The following USP34 variants were observed in gnomAD, a reference collection of about 807,000 sequenced individuals.
USP34 encodes the protein ubiquitin specific peptidase 34.
USP34 carries 70 observed loss-of-function variants against 460.3 expected under a neutral mutation model. The observed-to-expected ratio is 0.15, with a 90% CI of 0.13 to 0.19. USP34 has a LOEUF of 0.19. Ranked by LOEUF, USP34 falls within the 10% of genes least tolerant of loss-of-function variation. The pLI is 1.00. For synonymous variants in USP34, 1,647 were observed against 1,405.3 expected, an observed-to-expected ratio of 1.17 and a Z score of -3.85; for missense variants, 3,985 against 4,236.2, an observed-to-expected ratio of 0.94 and a Z score of 1.65.
intron 1 of USP34, among the ~76,000 whole-genome samples, chr2:61,422,655 A>T (rs150009441): frequency 5.4e-4 from 82 of 152,364 alleles, no homozygotes; most frequent in Non-Finnish European, 9.1e-4. Context: ...AATGGAAAGA[A>T]ATCAAGTCAC....
At chr2:61,251,450 A>G (rs1261074600) in intron 48 of USP34, among the ~76,000 whole-genome samples, 2 of 152,236 alleles carry the variant, frequency 1.3e-5, no homozygotes, top group Non-Finnish European at 2.9e-5. Context: ...AAGATTACAC[A>G]TAACTATGCT....
chr2:61,336,174 T>C (rs369842820), intron 18 of USP34, among the ~76,000 whole-genome samples: 30 of 151,000 alleles, frequency 2.0e-4, no homozygotes, highest in South Asian at 6.3e-4. Flanking sequence ...AGACAAAGTC[T>C]CACTGTGTTG....
At position 61,211,825 on chromosome 2, in the gene USP34, T is replaced by G; in HGVS notation, c.8787A>C (p.Ile2929=). 1 of 1,607,588 alleles carries G rather than the reference T, an allele frequency of 6.2e-7. No individual in the cohort carries two copies. Among genetic ancestry groups the G allele is most frequent in the Non-Finnish European group, 8.5e-7 (1 of 1,178,010 alleles). Residue 2929 remains isoleucine, a synonymous_variant, in exon 69 of 80, where the codon ATA becomes ATC. Transcript: ENST00000398571. The stretch of plus-strand genomic sequence containing the variant: ...CATCTAAGCAACGTAAGTAACAACT[T>G]ATGGTTGTTTTCTTGAACTGTTTAA... ...EDIKQFKKTT[I]SCYLRCLDGR...
intron 2 of USP34, chr2:61,417,403 G>C (rs73932803): frequency 0.012 from 5,698 of 483,510 alleles, 274 homozygotes; most frequent in African/African-American, 0.1. Flanking sequence ...TACAGCCAAA[G>C]TTGTGACAGC....
intron 58 of USP34, among the ~76,000 whole-genome samples, chr2:61,231,072 T>C (rs1687881850): frequency 6.6e-6 from 1 of 151,972 alleles, no homozygotes; most frequent in Non-Finnish European, 1.5e-5. Flanking sequence ...AAAAAGAAAA[T>C]GTAATATGGA....
chr2:61,380,207 T>C lies in USP34; in HGVS notation c.976A>G (p.Thr326Ala). ...DLAFKYFMSP[T>A]LTMRLAGLSQ... Reference sequence around the variant, plus strand: ...AATCCAGCCAACCTCATAGTCAAAGTAGGTGACATAAAGTACTTAAATGCA... The same window carrying C: ...AATCCAGCCAACCTCATAGTCAAAGCAGGTGACATAAAGTACTTAAATGCA... The change falls in exon 7 of 80, where the codon ACT becomes GCT. Residue 326 changes from threonine to alanine, a missense_variant. Physicochemically the swap from Thr to Ala is moderately conservative, Grantham distance 58. Around this residue, in one of 14 missense-constraint regions of USP34, gnomAD observed 70 missense variants for 109.5 expected, o/e 0.64. Coordinates refer to ENST00000398571, the MANE Select transcript of USP34 (RefSeq NM_014709.4). 6.2e-7 allele frequency: 1 copy of C among 1,614,008 alleles called. No homozygotes were observed.
intron 8 of USP34, among the ~76,000 whole-genome samples, chr2:61,371,509 C>G (rs1165734280): frequency 6.7e-6 from 1 of 149,410 alleles, no homozygotes. Flanking sequence ...TACTTTTGTA[C>G]AGCCATACAA....
chr2:61,306,823 T>A (rs1424132272), intron 27 of USP34, among the ~76,000 whole-genome samples: 2 of 152,134 alleles, frequency 1.3e-5, no homozygotes, highest in Non-Finnish European at 2.9e-5. Context: ...CAACAGCTGC[T>A]GGAGAGGATG....
intron 27 of USP34, among the ~76,000 whole-genome samples, chr2:61,309,219 A>G (rs888454921): frequency 6.6e-6 from 1 of 152,206 alleles, no homozygotes; most frequent in Non-Finnish European, 1.5e-5. Flanking sequence ...GTATGAAAAC[A>G]TGAGATACAT....
At chr2:61,265,771 A>G (rs1191577037) in intron 42 of USP34, 16 of 688,252 alleles carry the variant, frequency 2.3e-5, no homozygotes, top group Non-Finnish European at 3.1e-5. Flanking sequence ...CTTGGCCCCA[A>G]ATTACTTTTA....
intron 18 of USP34, among the ~76,000 whole-genome samples, chr2:61,338,937 T>G (rs1276951798): frequency 1.3e-5 from 2 of 152,192 alleles, no homozygotes; most frequent in African/African-American, 4.8e-5. Flanking sequence ...TACATCTAAA[T>G]GGAAGAACAA....
chr2:61,246,298 G>T, intron 50 of USP34, 26 bp downstream of exon 50: 1 of 1,485,374 alleles, frequency 6.7e-7, no homozygotes, highest in East Asian at 2.4e-5. Context: ...AATTGTTAAA[G>T]AAGTTTTGAA....
chr2:61,381,265 AACACACAC>A (rs528571272), intron 6 of USP34, among the ~76,000 whole-genome samples: 1 of 61,094 alleles, frequency 1.6e-5, no homozygotes, highest in Admixed American at 1.5e-4. Context: ...AAAAAAATAA[AACACACAC>A]ACACACACAC....
chr2:61,291,471 A>G (rs1463392453), intron 33 of USP34, among the ~76,000 whole-genome samples: 1 of 152,180 alleles, frequency 6.6e-6, no homozygotes, highest in Non-Finnish European at 1.5e-5. Context: ...CATTATTGAT[A>G]ATAGCCCCAA....
At chr2:61,457,526 A>G (rs888659352) in intron 1 of USP34, among the ~76,000 whole-genome samples, 1 of 152,226 alleles carries the variant, frequency 6.6e-6, no homozygotes, top group African/African-American at 2.4e-5. Context: ...AAAAAGAATA[A>G]TAATTCTCAA....
At chr2:61,370,797 A>T (rs1453467698) in intron 8 of USP34, among the ~76,000 whole-genome samples, 1 of 152,220 alleles carries the variant, frequency 6.6e-6, no homozygotes, top group Non-Finnish European at 1.5e-5. Flanking sequence ...AGCAACGAAT[A>T]ACTGAAAAGG....
At chr2:61,369,001 TGATA>T (rs1017152523) in intron 10 of USP34, among the ~76,000 whole-genome samples, 1 of 151,902 alleles carries the variant, frequency 6.6e-6, no homozygotes, top group Non-Finnish European at 1.5e-5. Flanking sequence ...GAAAAACAAT[TGATA>T]AATAGCAAAA....
chr2:61,226,444 TACAC>T (rs148492894), intron 62 of USP34, among the ~76,000 whole-genome samples: 44 of 151,810 alleles, frequency 2.9e-4, no homozygotes, highest in Admixed American at 2.5e-3. Context: ...TACATACACA[TACAC>T]ACACACACAT....
At chr2:61,417,021 C>T in intron 2 of USP34, 5 of 1,325,210 alleles carry the variant, frequency 3.8e-6, no homozygotes, top group Non-Finnish European at 5.4e-6. Flanking sequence ...AGCCCCACTT[C>T]TTCCAGATGT....
Sources: gnomAD v4.1 joint callset for allele counts (sites outside exome capture counted in the v4.1 genomes callset) on GRCh38, gnomAD v4.1.1 for gene constraint, gnomAD v4.1.1 regional missense constraint, MANE v1.5 for transcripts, NCBI Gene and HGNC (gene_info 2026-07-23, HGNC 2026-07-21) for gene names.